SETX: variants seen among roughly 807,000 people sequenced by gnomAD.
SETX encodes senataxin, also known as helicase senataxin.
In SETX, 90 loss-of-function variants were observed where a neutral mutation model predicts 227.2. The ratio of observed to expected loss-of-function variants is 0.40; its 90% CI spans 0.33 to 0.47. The LOEUF is 0.47. SETX is among the 20% of genes least tolerant of loss of function. The pLI is 0.91. For missense variants in SETX, 3,052 were observed against 3,181.5 expected (o/e 0.96, Z 0.98); for synonymous variants, 1,210 against 1,113.2 (o/e 1.09, Z -1.73).
In SETX at chr9:132,329,518, T is replaced by C. The variant is rs1393184035; in HGVS notation, c.2080A>G (p.Lys694Glu). Residue 694 changes from lysine to glutamate, a missense_variant, in exon 10 of 26, where the codon AAA (lysine) becomes GAA (glutamate). By Grantham distance (56) the Lys-to-Glu change is moderately conservative. This residue lies in a region of SETX where 1,483 missense variants were observed against 1,312.0 expected (regional missense o/e 1.13). Coordinates refer to ENST00000224140, the MANE Select transcript of SETX (RefSeq NM_015046.7). ...TCAGCTCTTTCAGTAAAAATGTTTTTACTACTCTGCTTTAAGCATGACCCA... is the reference window on the plus strand; with the variant it reads ...TCAGCTCTTTCAGTAAAAATGTTTTCACTACTCTGCTTTAAGCATGACCCA... ...LAGSCLKQSS[K>E]NIFTERAEDQ... 3 of 1,612,634 alleles carry C rather than the reference T, an allele frequency of 1.9e-6. No individual in the cohort carries two copies. The highest frequency in any genetic ancestry group is 2.5e-6 in the Non-Finnish European group (3 of 1,179,918).
chr9:132,273,163 G>GTTTTTTT (rs144496199), intron 23 of SETX, among the ~76,000 whole-genome samples: 1 of 150,908 alleles, frequency 6.6e-6, no homozygotes. Context: ...TTATTTAGGT[G>GTTTTTTT]GTTTTTTTTT....
intron 25 of SETX, among the ~76,000 whole-genome samples, chr9:132,266,887 G>GGGAT (rs1291882604): frequency 6.6e-6 from 1 of 152,170 alleles, no homozygotes; most frequent in Non-Finnish European, 1.5e-5. Flanking sequence ...TATTGCACTT[G>GGGAT]GGATGAATGA....
At chr9:132,314,114 CAG>C (rs1347163497) in intron 10 of SETX, among the ~76,000 whole-genome samples, 1 of 151,662 alleles carries the variant, frequency 6.6e-6, no homozygotes, top group Non-Finnish European at 1.5e-5. Context: ...TTTTTGGAGA[CAG>C]AGTTTCGGTC....
At position 132,336,313 on chromosome 9, in the gene SETX, T is replaced by C. The variant is rs1418847478; in HGVS notation, c.701A>G (p.Tyr234Cys). The C allele has an allele frequency of 8.7e-6, 14 of 1,611,226 alleles. No homozygotes were observed. Among genetic ancestry groups the C allele is most frequent in the Non-Finnish European group, 1.1e-5 (13 of 1,177,428 alleles). The change falls in exon 6 of 26, where the codon TAC becomes TGC. Residue 234 changes from tyrosine to cysteine, a missense_variant. Around this residue, in one of 10 missense-constraint regions of SETX, gnomAD observed 239 missense variants for 240.8 expected, o/e 0.99. Transcript: ENST00000224140. ...LPSHMYDTTN[Y>C]KSYWLGICML... ...ATACTCACCTAACCAATAGCTTTTG[T>C]AGTTGGTAGTATCATACATGTGTGA...
chr9:132,298,635 G>C (rs1394186307), intron 12 of SETX, among the ~76,000 whole-genome samples: 1 of 152,166 alleles, frequency 6.6e-6, no homozygotes, highest in Non-Finnish European at 1.5e-5. Context: ...AAATATTTGA[G>C]CAGAGACTTG....
chr9:132,285,898 A>C (rs1160935479), intron 18 of SETX, among the ~76,000 whole-genome samples: 4 of 148,048 alleles, frequency 2.7e-5, no homozygotes, highest in Admixed American at 1.3e-4. Flanking sequence ...AAAACACAAA[A>C]GAGGCCAGGT....
intron 15 of SETX, among the ~76,000 whole-genome samples, chr9:132,291,588 G>C (rs1025064233): frequency 4.7e-4 from 71 of 152,228 alleles, no homozygotes; most frequent in African/African-American, 1.6e-3. Flanking sequence ...TACACTGCTG[G>C]GTAAGCTCAG....
At chr9:132,294,007 G>C (rs1387079373) in intron 15 of SETX, among the ~76,000 whole-genome samples, 1 of 152,108 alleles carries the variant, frequency 6.6e-6, no homozygotes, top group Non-Finnish European at 1.5e-5. Flanking sequence ...CTGGGCGACA[G>C]GGTGAGACTC....
In SETX at chr9:132,329,614, T is replaced by C. The variant is rs1847091946; in HGVS notation, c.1984A>G (p.Asn662Asp). The C allele has an allele frequency of 6.2e-7, 1 of 1,613,898 alleles. No individual in the cohort carries two copies. The highest frequency in any genetic ancestry group is 1.3e-5 in the African/African-American group (1 of 75,058). ...TCATTATTGTCACCTTCTATAGTGT[T>C]ATCTGCTTTGATCAATACACTGTCT... is the stretch of plus-strand genomic sequence containing the variant. ...VQDSVLIKADNTIEGDNNEQN... is the reference protein window; with the variant it reads ...VQDSVLIKADDTIEGDNNEQN... Residue 662 changes from asparagine (N) to aspartate (D), a missense_variant, in exon 10 of 26, where the codon AAC becomes GAC. Physicochemically the swap from Asn to Asp is conservative, Grantham distance 23. Transcript: ENST00000224140.
intron 21 of SETX, 150 bp from the exon 22 acceptor site, chr9:132,277,302 A>T (rs939637434): frequency 4.3e-6 from 3 of 702,440 alleles, no homozygotes; most frequent in Non-Finnish European, 7.6e-6. Flanking sequence ...TGTATTAGTG[A>T]AAGGTACAAA....
intron 10 of SETX, among the ~76,000 whole-genome samples, chr9:132,317,111 C>T (rs866642856): frequency 6.6e-6 from 1 of 152,226 alleles, no homozygotes; most frequent in South Asian, 2.1e-4. Context: ...CTTCCTTTAT[C>T]ACCTTTAAAA....
rs772235955 is a variant in SETX, at chr9:132,288,379, T to C, written c.6209-28A>G. The C allele has an allele frequency of 1.9e-6, 3 of 1,538,488 alleles. No individual in the cohort carries two copies. In the South Asian group the frequency reaches 3.4e-5, roughly 18 times the overall value. On this transcript the variant is annotated intron_variant, in intron 16 of 25. Transcript: ENST00000224140. ...AATAAAAATAACAAATAAAAAATTA[T>C]ATGCTATTCTAATTCTAACAAACTC...
At chr9:132,313,266 C>T (rs1284408095) in intron 10 of SETX, among the ~76,000 whole-genome samples, 1 of 151,922 alleles carries the variant, frequency 6.6e-6, no homozygotes. Context: ...AAAATGCATC[C>T]TAGTGTGTAC....
At chr9:132,273,730 C>CAT (rs1843007957) in intron 23 of SETX, among the ~76,000 whole-genome samples, 1 of 152,086 alleles carries the variant, frequency 6.6e-6, no homozygotes, top group Non-Finnish European at 1.5e-5. Flanking sequence ...GAAATAAGAT[C>CAT]ATGCCACCTA....
At chr9:132,305,154 A>C (rs983304917) in intron 11 of SETX, among the ~76,000 whole-genome samples, 2 of 151,614 alleles carry the variant, frequency 1.3e-5, no homozygotes, top group Non-Finnish European at 3.0e-5. Context: ...GGAGATCAAG[A>C]CCATCCTGGC....
chr9:132,282,312 T>TG (rs1386324076), intron 19 of SETX, among the ~76,000 whole-genome samples: 2 of 151,362 alleles, frequency 1.3e-5, no homozygotes, highest in Admixed American at 1.3e-4. Flanking sequence ...TTTTTTTTTT[T>TG]TGAGAGAGAG....
At chr9:132,281,945 C>G (rs933804285) in intron 19 of SETX, among the ~76,000 whole-genome samples, 4 of 150,452 alleles carry the variant, frequency 2.7e-5, no homozygotes, top group Non-Finnish European at 5.9e-5. Context: ...CTGCTTGAAC[C>G]CAGGAGGCAG....
At chr9:132,276,244 C>T (rs764319102) in intron 22 of SETX, among the ~76,000 whole-genome samples, 2 of 152,194 alleles carry the variant, frequency 1.3e-5, no homozygotes, top group Non-Finnish European at 2.9e-5. Flanking sequence ...TCATGATGCT[C>T]TGCGGCTTAA....
Position 132,326,467 on chromosome 9 carries a change from C to T in SETX, c.5131G>A (p.Glu1711Lys), listed in dbSNP as rs1449409318. 1.2e-6 allele frequency: 2 copies of T among 1,614,202 alleles called. No individual in the cohort carries two copies. The highest frequency in any genetic ancestry group is 1.7e-6 in the Non-Finnish European group (2 of 1,180,034). The change falls in exon 10 of 26, where the codon GAA becomes AAA. Residue 1711 changes from glutamate to lysine, a missense_variant. By Grantham distance (56) the Glu-to-Lys change is moderately conservative. Transcript: ENST00000224140. ...CACTGACCAAAGTTCAAAAACATTT[C>T]ATATTTCCATTTTAAGACCTCTTTA... ...FVKEVLKWKY[E>K]MFLNFGQCGP...
Sources: allele counts gnomAD v4.1 joint callset (sites outside exome capture counted in the v4.1 genomes callset), GRCh38; gene constraint gnomAD v4.1.1; regional missense constraint gnomAD v4.1.1; transcripts MANE v1.5; gene names NCBI Gene and HGNC (gene_info 2026-07-23, HGNC 2026-07-21).